The following XKR6 variants were observed in gnomAD, a reference collection of about 807,000 sequenced individuals.
The protein encoded by XKR6 is XK-related protein 6.
In XKR6, 22 loss-of-function variants were observed where a neutral mutation model predicts 56.7. That is an observed-to-expected ratio of 0.39 (90% CI 0.28 to 0.55). XKR6 has a LOEUF of 0.55. Among genes scored for constraint, XKR6 ranks in the 20% least tolerant of loss-of-function variants. The pLI, the probability that XKR6 is intolerant of heterozygous loss-of-function variation, is 0.66. For synonymous variants in XKR6, 524 were observed against 387.8 expected (o/e 1.35, Z -4.13); for missense variants, 852 against 889.0 (o/e 0.96, Z 0.53).
At chr8:11,144,172 G>C (rs1461457132) in intron 1 of XKR6, among the ~76,000 whole-genome samples, 2 of 150,834 alleles carry the variant, frequency 1.3e-5, no homozygotes, top group African/African-American at 4.9e-5. Context: ...GCACAATTCA[G>C]TCCATAAACG....
chr8:11,106,217 G>A (rs1798671021), intron 1 of XKR6: 1 of 152,148 alleles, frequency 6.6e-6, no homozygotes, highest in African/African-American at 2.4e-5. Context: ...GTTCATGTGG[G>A]ACTGCAAATC....
intron 1 of XKR6, among the ~76,000 whole-genome samples, chr8:11,170,157 C>G (rs576967405): frequency 1.3e-5 from 2 of 152,254 alleles, no homozygotes; most frequent in African/African-American, 4.8e-5. Context: ...AAGTTAAACA[C>G]AGAATTATCA....
intron 1 of XKR6, among the ~76,000 whole-genome samples, chr8:10,940,217 T>TA (rs1801345908): frequency 6.6e-6 from 1 of 152,106 alleles, no homozygotes; most frequent in Admixed American, 6.6e-5. Context: ...GGGAAGTGCC[T>TA]AAGCTGAGAG....
chr8:11,195,365 T>C (rs775007577), intron 1 of XKR6: 7 of 586,808 alleles, frequency 1.2e-5, no homozygotes, highest in Non-Finnish European at 1.8e-5. Context: ...GCTAATATCA[T>C]GTTAAATAAT....
At position 11,051,898 on chromosome 8, in the gene XKR6, G is replaced by T. The variant is rs191802030; in HGVS notation, c.765-127068C>A. 2.6e-3 allele frequency among the ~76,000 whole-genome samples: 393 copies of T among 152,282 alleles called. 1 individual carries two copies. Among genetic ancestry groups the T allele is most frequent in the African/African-American group, 9.2e-3 (382 of 41,536 alleles). Reference sequence around the variant, plus strand: ...CAGAACGTGCAGGTTTGTTACATAGGTATACATATGCCATGGTGGTTTGTT... The same window carrying T: ...CAGAACGTGCAGGTTTGTTACATAGTTATACATATGCCATGGTGGTTTGTT... On this transcript the variant is annotated intron_variant, in intron 1 of 2. Transcript: ENST00000416569.
intron 1 of XKR6, among the ~76,000 whole-genome samples, chr8:11,055,876 C>T (rs1408572823): frequency 6.6e-6 from 1 of 152,156 alleles, no homozygotes; most frequent in Non-Finnish European, 1.5e-5. Context: ...GGTCACACAA[C>T]CTCCTCGTAA....
intron 1 of XKR6, among the ~76,000 whole-genome samples, chr8:11,148,223 C>G (rs1252015658): frequency 1.3e-5 from 2 of 151,860 alleles, no homozygotes; most frequent in Admixed American, 6.6e-5. Flanking sequence ...AACAAACAGA[C>G]AAACAAACAA....
chr8:11,082,608 G>A (rs1224468811), intron 1 of XKR6, among the ~76,000 whole-genome samples: 1 of 152,186 alleles, frequency 6.6e-6, no homozygotes, highest in Non-Finnish European at 1.5e-5. Context: ...CCAAATAATG[G>A]GGGATTCAGC....
chr8:11,102,322 A>G (rs1798515432), intron 1 of XKR6, among the ~76,000 whole-genome samples: 1 of 152,194 alleles, frequency 6.6e-6, no homozygotes, highest in Admixed American at 6.5e-5. Context: ...TGGCAACTCC[A>G]TGCTTTGTGT....
chr8:10,953,014 C>A (rs1163851874), intron 1 of XKR6, among the ~76,000 whole-genome samples: 1 of 152,150 alleles, frequency 6.6e-6, no homozygotes, highest in Non-Finnish European at 1.5e-5. Context: ...GCATGATGAT[C>A]TGTCACTGTC....
At chr8:11,038,497 TTGTGTGTGTGTG>T (rs34388531) in intron 1 of XKR6, among the ~76,000 whole-genome samples, 4,195 of 130,200 alleles carry the variant, frequency 0.032, 76 homozygotes, top group Middle Eastern at 0.062. Flanking sequence ...TGTAGTCATT[TTGTGTGTGTGTG>T]TGTGTGTGTG....
chr8:10,938,424 C>T (rs1037915074), intron 1 of XKR6, among the ~76,000 whole-genome samples: 2 of 152,178 alleles, frequency 1.3e-5, no homozygotes, highest in South Asian at 2.1e-4. Context: ...TTGGCTCCTC[C>T]CCCCAGCAGT....
At chr8:10,946,082 C>G (rs916178661) in intron 1 of XKR6, among the ~76,000 whole-genome samples, 1 of 152,036 alleles carries the variant, frequency 6.6e-6, no homozygotes, top group Non-Finnish European at 1.5e-5. Context: ...GGGAAGGCCA[C>G]TTTGACCTCA....
intron 1 of XKR6, among the ~76,000 whole-genome samples, chr8:11,198,012 A>G (rs1257916061): frequency 6.6e-6 from 1 of 152,266 alleles, no homozygotes; most frequent in African/African-American, 2.4e-5. Flanking sequence ...ACCAAATGAT[A>G]GAAATATTAG....
At chr8:11,064,389 G>C (rs1179498198) in intron 1 of XKR6, among the ~76,000 whole-genome samples, 2 of 152,128 alleles carry the variant, frequency 1.3e-5, no homozygotes, top group Non-Finnish European at 2.9e-5. Flanking sequence ...TACCCCTCGT[G>C]GTCATGGGCC....
chr8:10,989,254 T>C (rs985140463), intron 1 of XKR6, among the ~76,000 whole-genome samples: 3 of 152,230 alleles, frequency 2.0e-5, no homozygotes. Flanking sequence ...AGTAGTGAGA[T>C]AAAATGAAGG....
At chr8:10,900,295 C>T (rs1407329395) in intron 2 of XKR6, among the ~76,000 whole-genome samples, 2 of 152,148 alleles carry the variant, frequency 1.3e-5, no homozygotes, top group Non-Finnish European at 2.9e-5. Context: ...CCCAGACCAC[C>T]AGGCTTCTGC....
At chr8:10,950,309 G>A (rs1200818278) in intron 1 of XKR6, among the ~76,000 whole-genome samples, 1 of 152,216 alleles carries the variant, frequency 6.6e-6, no homozygotes, top group African/African-American at 2.4e-5. Flanking sequence ...GTGTGGTGCA[G>A]GCCCAAGCTC....
chr8:11,146,971 G>C (rs916517146), intron 1 of XKR6, among the ~76,000 whole-genome samples: 9 of 152,060 alleles, frequency 5.9e-5, no homozygotes, highest in African/African-American at 2.2e-4. Flanking sequence ...AGCTGGGGAA[G>C]AGGAAAATGG....
Sources: allele counts gnomAD v4.1 joint callset (sites outside exome capture counted in the v4.1 genomes callset), GRCh38; gene constraint gnomAD v4.1.1; transcripts MANE v1.5; gene names NCBI Gene and HGNC (gene_info 2026-07-23, HGNC 2026-07-21).